The following HECW1 variants were observed in gnomAD, a reference collection of about 807,000 sequenced individuals.
The protein encoded by HECW1 is E3 ubiquitin-protein ligase HECW1.
In HECW1, 61 loss-of-function variants were observed where a neutral mutation model predicts 182.3. That is an observed-to-expected ratio of 0.33 (90% CI 0.27 to 0.41). The LOEUF is 0.41. HECW1 is among the 10% of genes least tolerant of loss of function. The pLI is 1.00. For synonymous variants in HECW1, 859 were observed against 832.6 expected, an observed-to-expected ratio of 1.03 and a Z score of -0.55; for missense variants, 1,739 against 2,108.9, an observed-to-expected ratio of 0.82 and a Z score of 3.44.
At chr7:43,211,167 G>A (rs1156499360) in intron 2 of HECW1, among the ~76,000 whole-genome samples, 1 of 152,220 alleles carries the variant, frequency 6.6e-6, no homozygotes, top group Non-Finnish European at 1.5e-5. Context: ...AGAGGTGGAT[G>A]CGGTCACCTT....
chr7:43,350,227 A>C (rs1428847724), intron 5 of HECW1, among the ~76,000 whole-genome samples: 1 of 152,180 alleles, frequency 6.6e-6, no homozygotes, highest in Admixed American at 6.5e-5. Context: ...TCTGCTGAGA[A>C]ATCTGCTGTC....
Position 43,445,452 on chromosome 7 carries a change from G to A in HECW1, c.2280G>A (p.Pro760=), listed in dbSNP as rs767947688. The A allele has an allele frequency of 6.2e-7, 1 of 1,613,092 alleles. No homozygotes were observed. Among genetic ancestry groups the A allele is most frequent in the Non-Finnish European group, 8.5e-7 (1 of 1,179,886 alleles). ...PDSMQSPELD[P]ESTNGAGPWQ... Reference sequence around the variant, plus strand: ...CCATGCAGAGCCCTGAGCTGGACCCGGAGTCCACGAACGGCGCTGGGCCGT... The same window carrying A: ...CCATGCAGAGCCCTGAGCTGGACCCAGAGTCCACGAACGGCGCTGGGCCGT... The change falls in exon 11 of 30, where the codon CCG becomes CCA. Residue 760 remains proline, a synonymous_variant. Transcript: ENST00000395891.
At chr7:43,511,249 G>A (rs533178686) in intron 24 of HECW1, 4 of 152,368 alleles carry the variant, frequency 2.6e-5, no homozygotes, top group African/African-American at 9.6e-5. Flanking sequence ...CCCTCATGTG[G>A]AGAGTATTTG....
intron 2 of HECW1, among the ~76,000 whole-genome samples, chr7:43,135,536 A>G (rs1348038326): frequency 6.6e-6 from 1 of 152,214 alleles, no homozygotes; most frequent in Non-Finnish European, 1.5e-5. Context: ...GAGAAAATAA[A>G]TATTTCTCTT....
intron 3 of HECW1, among the ~76,000 whole-genome samples, chr7:43,286,986 G>A (rs562687256): frequency 1.3e-5 from 2 of 151,994 alleles, no homozygotes; most frequent in African/African-American, 4.8e-5. Flanking sequence ...AATTTGCTGT[G>A]TCCCGGGCAT....
intron 6 of HECW1, among the ~76,000 whole-genome samples, chr7:43,366,705 A>G (rs1393115478): frequency 6.6e-6 from 1 of 152,218 alleles, no homozygotes; most frequent in East Asian, 1.9e-4. Flanking sequence ...TATCTTCAAT[A>G]TTGGGGTGAA....
At chr7:43,390,537 T>TAAAAAAAAAA (rs773044688) in intron 6 of HECW1, among the ~76,000 whole-genome samples, 1 of 111,220 alleles carries the variant, frequency 9.0e-6, no homozygotes, top group African/African-American at 3.4e-5. Flanking sequence ...AAGCAACTCT[T>TAAAAAAAAAA]AAAAAAAAAA....
In HECW1 at chr7:43,311,748, T is replaced by C. The variant is rs1808543100; in HGVS notation, c.28-15T>C. On this transcript the variant is annotated splice_polypyrimidine_tract_variant and intron_variant, in intron 3 of 29. Coordinates refer to ENST00000395891, the MANE Select transcript of HECW1 (RefSeq NM_015052.5). The stretch of plus-strand genomic sequence containing the variant: ...GCGTGCCCTGACCCTGCTCACTGTC[T>C]CTTTGCTCCCACAGAATCTGTACCA... 6.2e-7 allele frequency: 1 copy of C among 1,613,502 alleles called. No homozygotes were observed. The highest frequency in any genetic ancestry group is 8.5e-7 in the Non-Finnish European group (1 of 1,179,616).
rs941069759 is a variant in HECW1, at chr7:43,311,849, G to A, written c.114G>A (p.Pro38=). 10 of 1,614,168 alleles carry A rather than the reference G, an allele frequency of 6.2e-6. No homozygotes were observed. Among genetic ancestry groups the A allele is most frequent in the Non-Finnish European group, 6.8e-6 (8 of 1,180,018 alleles). The change falls in exon 4 of 30, where the codon CCG becomes CCA. Residue 38 remains proline, a synonymous_variant. Coordinates refer to ENST00000395891, the MANE Select transcript of HECW1 (RefSeq NM_015052.5). The stretch of plus-strand genomic sequence containing the variant: ...AGAGCCGACGCCGGTGCAAGGAGCC[G>A]CTCCGATACAGCTACAACCCCGACC... ...NSQSRRRCKE[P]LRYSYNPDQF...
chr7:43,405,549 C>T (rs2075580230), intron 7 of HECW1, among the ~76,000 whole-genome samples: 1 of 152,118 alleles, frequency 6.6e-6, no homozygotes, highest in South Asian at 2.1e-4. Context: ...ACCAGGGAAG[C>T]TTCTTAGAGA....
At chr7:43,415,696 A>G (rs1328212566) in intron 8 of HECW1, among the ~76,000 whole-genome samples, 2 of 143,376 alleles carry the variant, frequency 1.4e-5, no homozygotes, top group Non-Finnish European at 3.1e-5. Flanking sequence ...CTTTTCACAT[A>G]GTCCCATATT....
intron 3 of HECW1, among the ~76,000 whole-genome samples, chr7:43,264,081 TA>T (rs1408520509): frequency 6.6e-6 from 1 of 152,260 alleles, no homozygotes; most frequent in African/African-American, 2.4e-5. Flanking sequence ...CTTACATAGT[TA>T]TTTTTTGTGG....
At chr7:43,530,244 C>T (rs2080928090) in intron 24 of HECW1, among the ~76,000 whole-genome samples, 2 of 151,708 alleles carry the variant, frequency 1.3e-5, no homozygotes, top group African/African-American at 4.8e-5. Flanking sequence ...AGGCATGAGC[C>T]ACCATGCCTG....
intron 8 of HECW1, among the ~76,000 whole-genome samples, chr7:43,420,299 C>CA (rs1349554468): frequency 6.6e-6 from 1 of 152,162 alleles, no homozygotes; most frequent in Non-Finnish European, 1.5e-5. Flanking sequence ...TTACTTTTGA[C>CA]ATTTTCAATC....
intron 2 of HECW1, among the ~76,000 whole-genome samples, chr7:43,166,706 T>G (rs184593611): frequency 4.3e-4 from 65 of 152,376 alleles, no homozygotes; most frequent in African/African-American, 1.4e-3. Flanking sequence ...ATAGGAACCT[T>G]TGTCCACTAA....
At chr7:43,349,580 T>C (rs773615975) in intron 5 of HECW1, among the ~76,000 whole-genome samples, 2 of 152,214 alleles carry the variant, frequency 1.3e-5, no homozygotes, top group Non-Finnish European at 2.9e-5. Context: ...ATATTTTCCT[T>C]TGGACAAGGT....
intron 2 of HECW1, among the ~76,000 whole-genome samples, chr7:43,223,506 C>T (rs1178043589): frequency 6.6e-6 from 1 of 152,104 alleles, no homozygotes; most frequent in South Asian, 2.1e-4. Flanking sequence ...GTAATGCCAG[C>T]TACTCGGGAG....
intron 6 of HECW1, among the ~76,000 whole-genome samples, chr7:43,374,242 A>G (rs2074230557): frequency 6.6e-6 from 1 of 152,254 alleles, no homozygotes; most frequent in African/African-American, 2.4e-5. Context: ...AATAAATTCA[A>G]TGTAAAGAAA....
chr7:43,341,109 T>C (rs1278890199), intron 5 of HECW1, among the ~76,000 whole-genome samples: 5 of 151,446 alleles, frequency 3.3e-5, no homozygotes, highest in Non-Finnish European at 1.5e-5. Flanking sequence ...AATTGAACAA[T>C]GAGAACACTT....
Sources: allele counts gnomAD v4.1 joint callset (sites outside exome capture counted in the v4.1 genomes callset), GRCh38; gene constraint gnomAD v4.1.1; transcripts MANE v1.5; gene names NCBI Gene and HGNC (gene_info 2026-07-23, HGNC 2026-07-21).